AGAP6: variants seen among roughly 807,000 people sequenced by gnomAD.
The protein encoded by AGAP6 is ArfGAP with GTPase domain, ankyrin repeat and PH domain 6.
In AGAP6, 29 loss-of-function variants were observed where a neutral mutation model predicts 63.9. That is an observed-to-expected ratio of 0.45 (90% CI 0.34 to 0.62). The LOEUF (loss-of-function observed/expected upper bound fraction) is 0.62. Ranked by LOEUF, AGAP6 falls within the 20% of genes least tolerant of loss-of-function variation. The pLI is 0.01. For synonymous variants in AGAP6, 199 were observed against 332.9 expected (o/e 0.60, Z 4.38); for missense variants, 493 against 884.9 (o/e 0.56, Z 5.62).
chr10:50,002,723 CTTTAA>C (rs1301792568), intron 5 of AGAP6, among the ~76,000 whole-genome samples: 2 of 37,744 alleles, frequency 5.3e-5, no homozygotes, highest in Non-Finnish European at 5.4e-5. Context: ...ATGTCTTTAT[CTTTAA>C]TTTAACTTTT....
rs782530997 is a variant in AGAP6 at position 50,009,040 on chromosome 10, C to T, written c.915C>T (p.Val305=). ...TGAAGACATGGAAAAAGAAATACGT[C>T]ACCCTGTGTTCCAATGGCATGCTCA... The part of the protein sequence containing the change: ...KWLKTWKKKY[V]TLCSNGMLTY... The change falls in exon 8 of 8, where the codon GTC becomes GTT. Residue 305 remains valine (V), a synonymous_variant. Transcript: ENST00000412531. 1 of 1,613,704 alleles carries T rather than the reference C, an allele frequency of 6.2e-7. No homozygotes were observed. The highest frequency in any genetic ancestry group is 8.5e-7 in the Non-Finnish European group (1 of 1,179,870).
Position 50,008,848 on chromosome 10 carries a change from G to T in AGAP6, c.723G>T (p.Thr241=). ...FSVPPTANTP[T]PVCKRSMRWS... is the part of the protein sequence containing the mutation. Reference sequence around the variant, plus strand: ...TTCCTCCCACTGCCAACACACCCACGCCCGTTTGCAAGCGGTCCATGCGCT... The same window carrying T: ...TTCCTCCCACTGCCAACACACCCACTCCCGTTTGCAAGCGGTCCATGCGCT... Residue 241 remains threonine, a synonymous_variant, in exon 8 of 8, where the codon ACG becomes ACT. Coordinates refer to ENST00000412531, the MANE Select transcript of AGAP6 (RefSeq NM_001077665.3). 2 of 1,613,880 alleles carry T rather than the reference G, an allele frequency of 1.2e-6. No homozygotes were observed. Among genetic ancestry groups the T allele is most frequent in the Non-Finnish European group, 1.7e-6 (2 of 1,179,984 alleles).
intron 2 of AGAP6, among the ~76,000 whole-genome samples, chr10:49,989,859 A>G (rs541298943): frequency 3.6e-3 from 552 of 152,318 alleles, no homozygotes; most frequent in Non-Finnish European, 5.6e-3. Context: ...GAGTTTACCT[A>G]TGAGGCTCTG....
At position 49,988,803 on chromosome 10, in the gene AGAP6, G is replaced by C. The variant is rs782536469; in HGVS notation, c.88G>C (p.Glu30Gln). The C allele has an allele frequency of 8.8e-6, 14 of 1,597,180 alleles. No homozygotes were observed. In the East Asian group the frequency reaches 3.1e-4, roughly 36 times the overall value. Reference sequence around the variant, plus strand: ...GGGGTCGGTGTGTCCCTCTGAATCTGAGACCTATGAGGCAGGAGCTAGGGA... The same window carrying C: ...GGGGTCGGTGTGTCCCTCTGAATCTCAGACCTATGAGGCAGGAGCTAGGGA... ...QQGSVCPSES[E>Q]TYEAGARDRM... The change falls in exon 1 of 8, where the codon GAG (glutamate) becomes CAG (glutamine). Residue 30 changes from glutamate to glutamine, a missense_variant. Glu to Gln is a conservative substitution (Grantham distance 29). Coordinates refer to ENST00000412531, the MANE Select transcript of AGAP6 (RefSeq NM_001077665.3).
chr10:49,991,606 C>A (rs547518332), intron 2 of AGAP6, 70 bp from the exon 3 acceptor site: 1 of 1,585,926 alleles, frequency 6.3e-7, no homozygotes, highest in African/African-American at 1.4e-5. Context: ...ATGCAGCAGT[C>A]GAATAAACGA....
chr10:49,995,001 T>A (rs1841432529), intron 4 of AGAP6, among the ~76,000 whole-genome samples: 1 of 148,606 alleles, frequency 6.7e-6, no homozygotes. Flanking sequence ...AAATATTTAA[T>A]CTTATTTTTA....
rs782650430 is a variant in AGAP6 at position 49,988,965 on chromosome 10, C to A, written c.223+27C>A. The A allele has an allele frequency of 1.7e-5, 27 of 1,600,554 alleles. No homozygotes were observed. The Middle Eastern group carries it at 5.6e-4, about 33-fold the overall frequency. On this transcript the variant is annotated intron_variant, in intron 1 of 7. Transcript: ENST00000412531. ...TGAGGAGGTGATAGGTGCCATCTAC[C>A]CTCGGTTTGCCTCTGGCTGCTGCTG...
chr10:50,003,332 G>A (rs1841781330), intron 5 of AGAP6, among the ~76,000 whole-genome samples: 1 of 150,434 alleles, frequency 6.6e-6, no homozygotes, highest in South Asian at 2.1e-4. Flanking sequence ...AATCAGTAGT[G>A]CACTGTTGTC....
chr10:49,996,770 A>G (rs1448906093), intron 4 of AGAP6, among the ~76,000 whole-genome samples: 4 of 142,308 alleles, frequency 2.8e-5, no homozygotes, highest in African/African-American at 5.3e-5. Context: ...ATTTTACCCT[A>G]CTTTCCAAAG....
chr10:50,001,148 G>A (rs1228167239), intron 4 of AGAP6, among the ~76,000 whole-genome samples: 1 of 149,450 alleles, frequency 6.7e-6, no homozygotes, highest in Non-Finnish European at 1.5e-5. Context: ...GGCTAACACG[G>A]TGAAACCCCG....
Position 49,991,417 on chromosome 10 carries a change from G to T in AGAP6, c.293-259G>T, listed in dbSNP as rs543676945. Among the ~76,000 whole-genome samples the T allele has an allele frequency of 3.4e-5, 5 of 145,402 alleles. No individual in the cohort carries two copies. The South Asian group carries it at 1.1e-3, about 32-fold the overall frequency. On this transcript the variant is annotated intron_variant, in intron 2 of 7. Transcript: ENST00000412531. ...TTTTTTTTTTTTTTAATAAAGGAGG[G>T]TGTCATTGTGTTACTCTTGCTGGCC...
intron 4 of AGAP6, among the ~76,000 whole-genome samples, chr10:49,996,528 G>A (rs1194461837): frequency 6.6e-6 from 1 of 151,688 alleles, no homozygotes; most frequent in African/African-American, 2.4e-5. Flanking sequence ...GTAAAAGCAG[G>A]CCTGGAAAGG....
At chr10:49,999,590 A>G (rs1554862624) in intron 4 of AGAP6, among the ~76,000 whole-genome samples, 2 of 124,544 alleles carry the variant, frequency 1.6e-5, no homozygotes, top group East Asian at 5.6e-4. Context: ...CTTGTATTCA[A>G]CATACTACTG....
At position 49,998,863 on chromosome 10, in the gene AGAP6, A is replaced by G. The variant is rs1220909245; in HGVS notation, c.397-3133A>G. Among the ~76,000 whole-genome samples, 5 of 138,474 alleles carry G rather than the reference A, an allele frequency of 3.6e-5. 1 individual carries two copies. Among genetic ancestry groups the G allele is most frequent in the African/African-American group, 1.1e-4 (4 of 36,044 alleles). 90.8% of individuals were successfully genotyped at this position (138,474 alleles called of 152,430 possible). A position where few individuals can be genotyped will look rare whatever the true frequency, so the allele number is the denominator to read the frequency against. On this transcript the variant is annotated intron_variant, in intron 4 of 7. Coordinates refer to ENST00000412531, the MANE Select transcript of AGAP6 (RefSeq NM_001077665.3). ...ATTCATGAGCATGGGGTGTCTTTCCATTTGTTTGTGTCCATGACTTCATTC... is the reference window on the plus strand; with the variant it reads ...ATTCATGAGCATGGGGTGTCTTTCCGTTTGTTTGTGTCCATGACTTCATTC...
At chr10:49,988,389 G>T (rs1434636267), upstream of AGAP6, 1 of 1,295,070 alleles carries the variant, frequency 7.7e-7, no homozygotes, top group East Asian at 3.4e-5. Flanking sequence ...GACTACAGAA[G>T]GAGGAGGAAC....
chr10:49,989,005 T>C, intron 1 of AGAP6, 67 bp downstream of exon 1: 1 of 1,598,810 alleles, frequency 6.3e-7, no homozygotes, highest in African/African-American at 1.3e-5. Flanking sequence ...CATGGTTCCC[T>C]TTGAGGCATC....
Position 49,989,794 on chromosome 10 carries a change from C to T in AGAP6, c.292+418C>T, listed in dbSNP as rs562094022. Among the ~76,000 whole-genome samples, 5 of 152,286 alleles carry T rather than the reference C, an allele frequency of 3.3e-5. No homozygotes were observed. In the South Asian group the frequency reaches 1.0e-3, roughly 32 times the overall value. ...AGTAATTGTGAAAGGTGTAAAATGT[C>T]ACAGCCGGGGCTGCAGAAAAATGGT... On this transcript the variant is annotated intron_variant, in intron 2 of 7. Transcript: ENST00000412531.
chr10:49,993,670 A>G (rs1841370055), intron 3 of AGAP6, among the ~76,000 whole-genome samples: 1 of 152,040 alleles, frequency 6.6e-6, no homozygotes. Context: ...ACAAAAAACA[A>G]TTAGCTAGGC....
Position 50,009,118 on chromosome 10 carries a change from T to C in AGAP6, c.993T>C (p.Ile331=), listed in dbSNP as rs781919660. 8 of 1,613,908 alleles carry C rather than the reference T, an allele frequency of 5.0e-6. No individual in the cohort carries two copies. The East Asian group carries it at 1.1e-4, about 22-fold the overall frequency. Residue 331 remains isoleucine, a synonymous_variant, in exon 8 of 8, where the codon ATT becomes ATC. Transcript: ENST00000412531. ...DYMKNIHKKE[I]DLQTSTIKVP... is the part of the protein sequence containing the mutation. ...TGAAGAATATTCATAAAAAAGAGAT[T>C]GACCTTCAGACATCTACCATCAAAG...
Sources: gnomAD v4.1 joint callset for allele counts (sites outside exome capture counted in the v4.1 genomes callset) on GRCh38, gnomAD v4.1.1 for gene constraint, MANE v1.5 for transcripts, NCBI Gene and HGNC (gene_info 2026-07-23, HGNC 2026-07-21) for gene names.